ERI3: variants seen among roughly 807,000 people sequenced by gnomAD.
ERI3 encodes ERI1 exoribonuclease family member 3.
A neutral mutation model predicts 44.4 loss-of-function variants in ERI3; 18 were observed. The observed-to-expected ratio is 0.41, with a 90% CI of 0.28 to 0.60. The LOEUF is 0.60. ERI3 is among the 20% of genes least tolerant of loss of function. ERI3 has a pLI of 0.36. For missense variants in ERI3, 294 were observed against 435.5 expected, an observed-to-expected ratio of 0.68 and a Z score of 2.89; for synonymous variants, 183 against 164.8, an observed-to-expected ratio of 1.11 and a Z score of -0.84.
chr1:44,223,209 C>T lies in ERI3; in HGVS notation c.932-1569G>A, dbSNP rs58724913. 4.5e-3 allele frequency among the ~76,000 whole-genome samples: 687 copies of T among 152,312 alleles called. 2 individuals carry two copies. The highest frequency in any genetic ancestry group is 0.016 in the African/African-American group (664 of 41,556). ...GGGTGGGTAGTGGCGACCATGGCAA[C>T]TCCAGACGTGACCCATCCCCATGGT... On this transcript the variant is annotated intron_variant, in intron 8 of 8. Coordinates refer to ENST00000372257, the MANE Select transcript of ERI3 (RefSeq NM_024066.3).
intron 8 of ERI3, among the ~76,000 whole-genome samples, chr1:44,247,259 TACAG>T (rs1644573871): frequency 6.6e-6 from 1 of 152,094 alleles, no homozygotes; most frequent in Non-Finnish European, 1.5e-5. Flanking sequence ...GACACACAGA[TACAG>T]ACAGATAACA....
chr1:44,234,345 C>T (rs1054401983), intron 8 of ERI3, among the ~76,000 whole-genome samples: 1 of 152,136 alleles, frequency 6.6e-6, no homozygotes, highest in Non-Finnish European at 1.5e-5. Flanking sequence ...CCTTTTAAAC[C>T]ACCAATCTGG....
intron 4 of ERI3, among the ~76,000 whole-genome samples, chr1:44,317,433 T>A (rs1243845228): frequency 6.6e-6 from 1 of 152,046 alleles, no homozygotes; most frequent in Non-Finnish European, 1.5e-5. Context: ...GATCTGAGGT[T>A]TTCCAAACAA....
chr1:44,355,033 G>A lies in ERI3; in HGVS notation c.-7C>T. 7.2e-7 allele frequency: 1 copy of A among 1,381,402 alleles called. No individual in the cohort carries two copies. Among genetic ancestry groups the A allele is most frequent in the Non-Finnish European group, 9.4e-7 (1 of 1,063,234 alleles). 85.6% of individuals were successfully genotyped at this position (1,381,402 alleles called of 1,614,324 possible). On this transcript the variant is annotated 5_prime_UTR_variant, in exon 1 of 9. Transcript: ENST00000372257. ...CGGGAGAGGCTGTCGCCATGGCAACGCCCCCTCCTCGGGGCCAGCGCGGCA... is the reference window on the plus strand; with the variant it reads ...CGGGAGAGGCTGTCGCCATGGCAACACCCCCTCCTCGGGGCCAGCGCGGCA...
At chr1:44,338,725 C>T (rs1253048601) in intron 3 of ERI3, among the ~76,000 whole-genome samples, 2 of 151,930 alleles carry the variant, frequency 1.3e-5, no homozygotes, top group Non-Finnish European at 1.5e-5. Flanking sequence ...CTATAGCACT[C>T]CTTAAAGGAA....
chr1:44,244,658 G>A (rs1418350144), intron 8 of ERI3, among the ~76,000 whole-genome samples: 4 of 151,980 alleles, frequency 2.6e-5, no homozygotes, highest in Non-Finnish European at 5.9e-5. Flanking sequence ...CTTGTCTGCA[G>A]TCTCTCCTCA....
intron 6 of ERI3, among the ~76,000 whole-genome samples, chr1:44,298,478 A>C (rs928335890): frequency 3.9e-5 from 6 of 152,368 alleles, no homozygotes; most frequent in Non-Finnish European, 8.8e-5. Flanking sequence ...AACTAAATAC[A>C]GTATAATAGA....
intron 3 of ERI3, among the ~76,000 whole-genome samples, chr1:44,337,354 T>C (rs1389310710): frequency 6.6e-6 from 1 of 152,164 alleles, no homozygotes; most frequent in African/African-American, 2.4e-5. Context: ...ATAGAAGAAA[T>C]AATATGACAT....
intron 7 of ERI3, among the ~76,000 whole-genome samples, chr1:44,257,709 A>G (rs1280970033): frequency 6.6e-6 from 1 of 151,988 alleles, no homozygotes; most frequent in Admixed American, 6.5e-5. Flanking sequence ...ACTGCTACAC[A>G]TACACCCTCC....
intron 8 of ERI3, among the ~76,000 whole-genome samples, chr1:44,229,988 G>A (rs760562962): frequency 1.3e-5 from 2 of 152,012 alleles, no homozygotes; most frequent in East Asian, 3.9e-4. Context: ...CCACTCACGC[G>A]ACTCCCATTA....
intron 7 of ERI3, among the ~76,000 whole-genome samples, chr1:44,251,027 G>C (rs1259328054): frequency 6.6e-6 from 1 of 152,160 alleles, no homozygotes; most frequent in African/African-American, 2.4e-5. Flanking sequence ...CATAGTACCA[G>C]GGCCCAGCAC....
chr1:44,329,523 C>T (rs1314572314), intron 3 of ERI3, among the ~76,000 whole-genome samples: 2 of 152,202 alleles, frequency 1.3e-5, no homozygotes, highest in African/African-American at 4.8e-5. Flanking sequence ...TAAAATGCCG[C>T]TAGTGTTGTG....
At chr1:44,277,812 T>A (rs1395321569) in intron 7 of ERI3, among the ~76,000 whole-genome samples, 1 of 152,248 alleles carries the variant, frequency 6.6e-6, no homozygotes, top group East Asian at 1.9e-4. Flanking sequence ...GCAAGTTTCA[T>A]CATCGCTCCA....
chr1:44,239,299 G>A (rs1240148782), intron 8 of ERI3, among the ~76,000 whole-genome samples: 1 of 152,200 alleles, frequency 6.6e-6, no homozygotes, highest in Non-Finnish European at 1.5e-5. Flanking sequence ...GCTTTGGGGT[G>A]TGTGACACTG....
At chr1:44,226,778 AACACACACACACACACACACAC>A in intron 8 of ERI3, among the ~76,000 whole-genome samples, 1 of 143,470 alleles carries the variant, frequency 7.0e-6, no homozygotes, top group African/African-American at 2.6e-5. Context: ...AGCATTATTA[AACACACACACACACACACACAC>A]ACACACACAC....
chr1:44,241,955 A>G lies in ERI3; in HGVS notation c.931+5984T>C, dbSNP rs1161195821. ...TTCTTCCATCTATGGTTGCTACTGA[A>G]GAACAGTCTGGTGTCTGGCAAGAAC... On this transcript the variant is annotated intron_variant, in intron 8 of 8. Transcript: ENST00000372257. The surrounding 1 kb of genome is among the most constrained non-coding windows in gnomAD (Gnocchi z 5.6). 1 of 985,614 alleles carries G rather than the reference A, an allele frequency of 1.0e-6. No homozygotes were observed. Among genetic ancestry groups the G allele is most frequent in the Non-Finnish European group, 1.2e-6 (1 of 829,980 alleles). 61.1% of individuals were successfully genotyped at this position (985,614 alleles called of 1,614,324 possible).
chr1:44,221,215 G>A lies in ERI3; in HGVS notation c.*343C>T. ...CACACCATGCACTATGGATGGGAGGGGGCACAGGAGGGGCTTGGTGGCCCC... is the reference window on the plus strand; with the variant it reads ...CACACCATGCACTATGGATGGGAGGAGGCACAGGAGGGGCTTGGTGGCCCC... On this transcript the variant is annotated 3_prime_UTR_variant, in exon 9 of 9. Coordinates refer to ENST00000372257, the MANE Select transcript of ERI3 (RefSeq NM_024066.3). This position sits in a 1 kb window ranked among gnomAD's most constrained non-coding sequence, Gnocchi z 5.9. The A allele has an allele frequency of 2.8e-6, 1 of 354,798 alleles. No individual in the cohort carries two copies. Among genetic ancestry groups the A allele is most frequent in the South Asian group, 3.3e-5 (1 of 30,606 alleles). 22.0% of individuals were successfully genotyped at this position (354,798 alleles called of 1,614,324 possible). A position where few individuals can be genotyped will look rare whatever the true frequency, so the allele number is the denominator to read the frequency against.
At chr1:44,246,811 C>T (rs1490522918) in intron 8 of ERI3, among the ~76,000 whole-genome samples, 3 of 152,166 alleles carry the variant, frequency 2.0e-5, no homozygotes, top group African/African-American at 7.2e-5. Context: ...CCACAAGGTA[C>T]CAGTGAATGT....
chr1:44,256,512 G>A (rs1366534371), intron 7 of ERI3, among the ~76,000 whole-genome samples: 1 of 152,218 alleles, frequency 6.6e-6, no homozygotes, highest in East Asian at 1.9e-4. Context: ...TGTGTACAGT[G>A]TTCTCCGGCT....
Sources: allele counts gnomAD v4.1 joint callset (sites outside exome capture counted in the v4.1 genomes callset), GRCh38; gene constraint gnomAD v4.1.1; non-coding constraint Gnocchi (gnomAD v3.1); transcripts MANE v1.5; gene names NCBI Gene and HGNC (gene_info 2026-07-23, HGNC 2026-07-21).